The following ASPRV1 variants were observed in gnomAD, a reference collection of about 807,000 sequenced individuals.
ASPRV1 encodes retroviral-like aspartic protease 1.
In ASPRV1, 7 loss-of-function variants were observed where a neutral mutation model predicts 11.0. The observed-to-expected ratio is 0.64, with a 90% CI of 0.36 to 1.20. ASPRV1 has a LOEUF of 1.20. Ranked by LOEUF, ASPRV1 falls within the 50% of genes most tolerant of loss-of-function variation. The pLI, the probability that ASPRV1 is intolerant of heterozygous loss-of-function variation, is 0.02. For synonymous variants in ASPRV1, 136 were observed against 138.4 expected, an observed-to-expected ratio of 0.98 and a Z score of 0.12; for missense variants, 299 against 320.0, an observed-to-expected ratio of 0.93 and a Z score of 0.50.
the ASPRV1 span, among the ~76,000 whole-genome samples, chr2:70,047,306 G>A: frequency 6.6e-6 from 1 of 152,170 alleles, no homozygotes; most frequent in South Asian, 2.1e-4. Context: ...AAGCCCAGGG[G>A]CATGCAAGAA....
chr2:69,990,345 G>A, the ASPRV1 span, among the ~76,000 whole-genome samples: 2 of 151,890 alleles, frequency 1.3e-5, no homozygotes, highest in Admixed American at 6.6e-5. Flanking sequence ...CACCATGTCC[G>A]GCTAATATTT....
chr2:70,050,778 T>C, the ASPRV1 span: 4 of 151,966 alleles, frequency 2.6e-5, no homozygotes, highest in African/African-American at 9.7e-5. Context: ...AACCCATCTC[T>C]ACAAAAAATA....
chr2:70,061,273 T>A, the ASPRV1 span, among the ~76,000 whole-genome samples: 1 of 151,896 alleles, frequency 6.6e-6, no homozygotes, highest in African/African-American at 2.4e-5. Flanking sequence ...CGCACGCCTG[T>A]AGTCCCAGCT....
chr2:70,054,344 T>C, the ASPRV1 span, among the ~76,000 whole-genome samples: 1 of 147,408 alleles, frequency 6.8e-6, no homozygotes, highest in Admixed American at 6.9e-5. Flanking sequence ...TCCCAGCACT[T>C]TGGGAGGCCG....
chr2:70,033,881 G>A, the ASPRV1 span, among the ~76,000 whole-genome samples: 2 of 152,162 alleles, frequency 1.3e-5, no homozygotes, highest in Non-Finnish European at 1.5e-5. Context: ...CTGGCCGGGC[G>A]CGGTGGCTCA....
At chr2:70,070,794 A>AAG in the ASPRV1 span, 4 of 154,838 alleles carry the variant, frequency 2.6e-5, no homozygotes, top group Non-Finnish European at 5.7e-5. Context: ...AAAAAAAAAA[A>AAG]AAAAAAAAAA....
chr2:70,019,131 G>C, the ASPRV1 span: 1 of 152,138 alleles, frequency 6.6e-6, no homozygotes, highest in Non-Finnish European at 1.5e-5. Flanking sequence ...CCCAAAATAC[G>C]ACATACAAAT....
At chr2:70,003,991 C>T in the ASPRV1 span, among the ~76,000 whole-genome samples, 1 of 152,128 alleles carries the variant, frequency 6.6e-6, no homozygotes, top group Non-Finnish European at 1.5e-5. Context: ...AATCTCTGCT[C>T]ATTATAAATT....
the ASPRV1 span, among the ~76,000 whole-genome samples, chr2:69,944,876 C>A: frequency 6.6e-6 from 1 of 152,056 alleles, no homozygotes; most frequent in Non-Finnish European, 1.5e-5. Context: ...GGAAGACACT[C>A]TCTCTATCCC....
At chr2:69,990,441 C>A in the ASPRV1 span, among the ~76,000 whole-genome samples, 1 of 152,188 alleles carries the variant, frequency 6.6e-6, no homozygotes, top group South Asian at 2.1e-4. Flanking sequence ...ACCTCAGCCT[C>A]CCAAAGTGCT....
chr2:69,975,191 G>T, the ASPRV1 span, among the ~76,000 whole-genome samples: 5 of 152,352 alleles, frequency 3.3e-5, no homozygotes, highest in African/African-American at 1.2e-4. Flanking sequence ...GGACAGAGAA[G>T]ATCTGGAGGG....
chr2:70,072,548 C>T, the ASPRV1 span, among the ~76,000 whole-genome samples: 1 of 151,368 alleles, frequency 6.6e-6, no homozygotes, highest in South Asian at 2.1e-4. Context: ...CATGATGAAA[C>T]CTGTCTCTAC....
chr2:69,965,354 G>C (rs990055281), upstream of ASPRV1, among the ~76,000 whole-genome samples: 1 of 152,100 alleles, frequency 6.6e-6, no homozygotes, highest in Non-Finnish European at 1.5e-5. Context: ...CTTTAGACCA[G>C]GGGTCCAATT....
At chr2:70,087,375 T>A in the ASPRV1 span, 2 of 152,438 alleles carry the variant, frequency 1.3e-5, no homozygotes, top group African/African-American at 4.8e-5. Context: ...TCTTGTGACC[T>A]AAAAAAGACG....
the ASPRV1 span, among the ~76,000 whole-genome samples, chr2:70,067,609 T>G: frequency 6.6e-6 from 1 of 152,226 alleles, no homozygotes; most frequent in Non-Finnish European, 1.5e-5. Flanking sequence ...AGCATGTTAT[T>G]AAATCATAGA....
chr2:70,076,370 G>C, the ASPRV1 span, among the ~76,000 whole-genome samples: 1 of 152,132 alleles, frequency 6.6e-6, no homozygotes, highest in Non-Finnish European at 1.5e-5. Context: ...ATTTCTCTAA[G>C]CCTTTGTTTA....
chr2:69,937,390 C>T, the ASPRV1 span: 3 of 1,603,618 alleles, frequency 1.9e-6, no homozygotes, highest in East Asian at 4.5e-5. Context: ...CCGACTCCGA[C>T]AGGGGTGAGC....
chr2:70,031,735 GA>G, the ASPRV1 span: 1 of 152,190 alleles, frequency 6.6e-6, no homozygotes, highest in Non-Finnish European at 1.5e-5. Flanking sequence ...ATGAAATGAT[GA>G]AATGTTCAGG....
At chr2:69,959,766 C>T (rs1392624435), downstream of ASPRV1, among the ~76,000 whole-genome samples, 1 of 152,214 alleles carries the variant, frequency 6.6e-6, no homozygotes, top group Admixed American at 6.5e-5. Flanking sequence ...TTTATCATAA[C>T]CATAATTTCC....
Sources: allele counts gnomAD v4.1 joint callset (sites outside exome capture counted in the v4.1 genomes callset), GRCh38; gene constraint gnomAD v4.1.1; transcripts MANE v1.5; gene names NCBI Gene and HGNC (gene_info 2026-07-23, HGNC 2026-07-21).